The following STX8 variants were observed in gnomAD, a reference collection of about 807,000 sequenced individuals.
The protein encoded by STX8 is syntaxin-8.
A neutral mutation model predicts 37.5 loss-of-function variants in STX8; 23 were observed. The ratio of observed to expected loss-of-function variants is 0.61; its 90% CI spans 0.44 to 0.87. The LOEUF (loss-of-function observed/expected upper bound fraction) is 0.87. Ranked by LOEUF, STX8 falls within the 40% of genes least tolerant of loss-of-function variation. The pLI is 0.00. For synonymous variants in STX8, 115 were observed against 99.1 expected (o/e 1.16, Z -0.95); for missense variants, 313 against 284.7 (o/e 1.10, Z -0.71).
chr17:9,490,685 A>G (rs1906816213), intron 6 of STX8, among the ~76,000 whole-genome samples: 1 of 152,202 alleles, frequency 6.6e-6, no homozygotes, highest in Non-Finnish European at 1.5e-5. Flanking sequence ...CTTGAAAGCC[A>G]TTCCATCGTG....
At chr17:9,475,599 G>A (rs935222176) in intron 6 of STX8, among the ~76,000 whole-genome samples, 3 of 152,166 alleles carry the variant, frequency 2.0e-5, no homozygotes, top group African/African-American at 7.2e-5. Flanking sequence ...GCCTGGGAGT[G>A]CGCATGGTGT....
chr17:9,337,779 T>C (rs1299552368), intron 7 of STX8, among the ~76,000 whole-genome samples: 6 of 152,166 alleles, frequency 3.9e-5, no homozygotes, highest in Admixed American at 3.9e-4. Flanking sequence ...AAATGCGGGA[T>C]AGAAAAGAGG....
At chr17:9,331,773 T>C (rs1449505176) in intron 7 of STX8, among the ~76,000 whole-genome samples, 4 of 151,886 alleles carry the variant, frequency 2.6e-5, no homozygotes, top group Non-Finnish European at 4.4e-5. Flanking sequence ...CTGTTCTCTC[T>C]CTCCCTCCCC....
At chr17:9,491,748 T>C in intron 6 of STX8, 81 bp downstream of exon 6, 1 of 1,222,404 alleles carries the variant, frequency 8.2e-7, no homozygotes, top group South Asian at 1.3e-5. Context: ...TGTTGTATAA[T>C]CTTAAACTCA....
chr17:9,447,444 A>G (rs901026036), intron 6 of STX8, among the ~76,000 whole-genome samples: 1 of 152,130 alleles, frequency 6.6e-6, no homozygotes, highest in Non-Finnish European at 1.5e-5. Context: ...CTTTTTTGAG[A>G]CAGAGTCTTG....
intron 3 of STX8, among the ~76,000 whole-genome samples, chr17:9,552,547 G>A (rs1906806044): frequency 6.6e-6 from 1 of 151,906 alleles, no homozygotes; most frequent in African/African-American, 2.4e-5. Context: ...CATCCATTGG[G>A]GTTTGTTATG....
chr17:9,337,614 G>T (rs534095755), intron 7 of STX8, among the ~76,000 whole-genome samples: 5 of 152,224 alleles, frequency 3.3e-5, no homozygotes, highest in African/African-American at 7.2e-5. Flanking sequence ...TGATCTGCCC[G>T]CCTTGGCCTC....
intron 6 of STX8, among the ~76,000 whole-genome samples, chr17:9,396,322 T>C (rs1221910760): frequency 1.5e-5 from 2 of 131,624 alleles, no homozygotes; most frequent in African/African-American, 3.0e-5. Context: ...GCCAGGAGTT[T>C]GGGAGAAAGG....
chr17:9,394,510 G>A (rs1264428572), intron 6 of STX8, among the ~76,000 whole-genome samples: 7 of 151,166 alleles, frequency 4.6e-5, no homozygotes, highest in African/African-American at 1.5e-4. Context: ...GATTACAGGC[G>A]CCCGCCACCA....
chr17:9,400,377 G>A (rs1452741586), intron 6 of STX8, among the ~76,000 whole-genome samples: 2 of 151,612 alleles, frequency 1.3e-5, no homozygotes, highest in African/African-American at 4.8e-5. Context: ...TGGGGTTACA[G>A]GTGTGAGCCA....
intron 3 of STX8, chr17:9,547,392 C>T (rs1906577395): frequency 6.6e-6 from 1 of 151,776 alleles, no homozygotes; most frequent in Non-Finnish European, 1.5e-5. Context: ...GCCTGTAATC[C>T]CAGCAGGTCA....
chr17:9,450,057 TA>T (rs79557365), intron 6 of STX8, among the ~76,000 whole-genome samples: 20 of 151,506 alleles, frequency 1.3e-4, no homozygotes, highest in Admixed American at 3.9e-4. Flanking sequence ...AAATTGTTCA[TA>T]AAAAAAAGAT....
At chr17:9,448,993 C>A (rs1904949443) in intron 6 of STX8, among the ~76,000 whole-genome samples, 1 of 152,078 alleles carries the variant, frequency 6.6e-6, no homozygotes, top group African/African-American at 2.4e-5. Flanking sequence ...TCTAAAATGA[C>A]AATACCAAGT....
intron 7 of STX8, among the ~76,000 whole-genome samples, chr17:9,377,144 G>A (rs1911621326): frequency 6.6e-6 from 1 of 152,110 alleles, no homozygotes; most frequent in African/African-American, 2.4e-5. Context: ...GCCAGGGAAG[G>A]TGATGCTTCT....
At chr17:9,505,712 G>A (rs558653977) in intron 4 of STX8, among the ~76,000 whole-genome samples, 52 of 152,116 alleles carry the variant, frequency 3.4e-4, no homozygotes, top group Non-Finnish European at 6.5e-4. Flanking sequence ...AGGCTGAGGC[G>A]GGCAGATCAC....
chr17:9,489,557 G>A (rs1012148969), intron 6 of STX8, among the ~76,000 whole-genome samples: 7 of 152,140 alleles, frequency 4.6e-5, no homozygotes, highest in African/African-American at 9.7e-5. Context: ...TTACCTGCAC[G>A]TATATCACAA....
chr17:9,475,664 G>C (rs1422456414), intron 6 of STX8, among the ~76,000 whole-genome samples: 1 of 152,176 alleles, frequency 6.6e-6, no homozygotes, highest in Admixed American at 6.5e-5. Context: ...AGACACAGGG[G>C]TAAAAAGAAA....
intron 4 of STX8, among the ~76,000 whole-genome samples, chr17:9,511,973 A>C (rs1038195214): frequency 9.2e-5 from 14 of 152,088 alleles, no homozygotes; most frequent in African/African-American, 3.4e-4. Context: ...GAAATCAAGA[A>C]GACAATCTCA....
At chr17:9,383,173 C>T (rs547651777) in intron 6 of STX8, among the ~76,000 whole-genome samples, 19 of 152,298 alleles carry the variant, frequency 1.2e-4, no homozygotes, top group African/African-American at 3.8e-4. Flanking sequence ...GCTTCCACAA[C>T]GGTGAGAATT....
Sources: allele counts gnomAD v4.1 joint callset (sites outside exome capture counted in the v4.1 genomes callset), GRCh38; gene constraint gnomAD v4.1.1; transcripts MANE v1.5; gene names NCBI Gene and HGNC (gene_info 2026-07-23, HGNC 2026-07-21).